PIK3CA: variants seen among roughly 807,000 people sequenced by gnomAD.
PIK3CA encodes the protein phosphatidylinositol 4,5-bisphosphate 3-kinase catalytic subunit alpha isoform.
Under a neutral mutation model 138.2 loss-of-function variants are expected in PIK3CA, and 27 were observed. The ratio of observed to expected loss-of-function variants is 0.20; its 90% CI spans 0.14 to 0.27. The LOEUF is 0.27. Among genes scored for constraint, PIK3CA ranks in the 10% least tolerant of loss-of-function variants. The pLI, the probability that PIK3CA is intolerant of heterozygous loss-of-function variation, is 1.00. For missense variants in PIK3CA, 544 were observed against 1,277.4 expected (o/e 0.43, Z 8.75); for synonymous variants, 358 against 413.2 (o/e 0.87, Z 1.62).
chr3:179,209,482 C>A, intron 6 of PIK3CA, 113 bp from the exon 7 acceptor site: 1 of 578,408 alleles, frequency 1.7e-6, no homozygotes, highest in Non-Finnish European at 3.1e-6. Context: ...CAATCAATCT[C>A]TTTCCTGTTT....
chr3:179,173,918 G>A (rs1338629844), intron 1 of PIK3CA, among the ~76,000 whole-genome samples: 1 of 151,702 alleles, frequency 6.6e-6, no homozygotes, highest in Admixed American at 6.6e-5. Context: ...AGTAGAGACA[G>A]GGTTTCGCTA....
intron 2 of PIK3CA, 57 bp from the exon 3 acceptor site, chr3:179,199,633 C>A (rs1724357603): frequency 1.6e-6 from 2 of 1,237,076 alleles, no homozygotes; most frequent in Non-Finnish European, 2.3e-6. Flanking sequence ...GCAAAAAAAA[C>A]ATGTTCATGC....
In PIK3CA at chr3:179,226,059, A is replaced by C; in HGVS notation, c.2495+19A>C. On this transcript the variant is annotated intron_variant, in intron 17 of 20. Coordinates refer to ENST00000263967, the MANE Select transcript of PIK3CA (RefSeq NM_006218.4). ...ATCTTCGGTAGGTAACCAGTAAGGC[A>C]ACCTGTATGTTGAAAGTTATCCTGA... 1 of 1,354,812 alleles carries C rather than the reference A, an allele frequency of 7.4e-7. No individual in the cohort carries two copies. The highest frequency in any genetic ancestry group is 1.1e-6 in the Non-Finnish European group (1 of 945,758). 83.9% of individuals were successfully genotyped at this position (1,354,812 alleles called of 1,614,324 possible).
At chr3:179,233,333 T>C (rs1028752538) in intron 20 of PIK3CA, 4 of 398,330 alleles carry the variant, frequency 1.0e-5, no homozygotes, top group Non-Finnish European at 1.8e-5. Context: ...CAGTATGATA[T>C]TGGCCGTGGG....
intron 1 of PIK3CA, among the ~76,000 whole-genome samples, chr3:179,170,650 G>C (rs73882960): frequency 0.038 from 5,722 of 152,226 alleles, 364 homozygotes; most frequent in African/African-American, 0.13. Flanking sequence ...TGGAGTAACT[G>C]TGTTAATGTC....
At chr3:179,211,643 G>A (rs1443570991) in intron 9 of PIK3CA, among the ~76,000 whole-genome samples, 1 of 152,038 alleles carries the variant, frequency 6.6e-6, no homozygotes, top group East Asian at 1.9e-4. Flanking sequence ...CTCCAGCCTG[G>A]GCAACAGAGC....
intron 9 of PIK3CA, among the ~76,000 whole-genome samples, chr3:179,213,533 T>C (rs533579657): frequency 1.3e-5 from 2 of 152,356 alleles, no homozygotes; most frequent in South Asian, 4.1e-4. Context: ...TTAGCGTGGC[T>C]ACAGCAGTTT....
chr3:179,160,834 CTGTT>C (rs1723260999), intron 1 of PIK3CA, among the ~76,000 whole-genome samples: 1 of 151,972 alleles, frequency 6.6e-6, no homozygotes, highest in African/African-American at 2.4e-5. Context: ...ATCATAGACT[CTGTT>C]TGTTTGCACA....
At chr3:179,218,184 A>G (rs1295462524) in intron 9 of PIK3CA, 26 bp from the exon 10 acceptor site, 2 of 1,504,234 alleles carry the variant, frequency 1.3e-6, no homozygotes, top group African/African-American at 2.8e-5. Context: ...AAAGAAAGCT[A>G]TATAAGATAT....
At chr3:179,152,159 ACAACCCTG>A (rs1723029479) in intron 1 of PIK3CA, among the ~76,000 whole-genome samples, 1 of 152,226 alleles carries the variant, frequency 6.6e-6, no homozygotes, top group Admixed American at 6.5e-5. Flanking sequence ...CTAAAAATGT[ACAACCCTG>A]AAATTGCCAC....
intron 1 of PIK3CA, among the ~76,000 whole-genome samples, chr3:179,170,076 G>A (rs9842550): frequency 0.25 from 34,231 of 139,218 alleles, 3,983 homozygotes; most frequent in African/African-American, 0.29. Context: ...ACGCGCGCGC[G>A]CACACACACA....
At chr3:179,229,156 C>A in intron 17 of PIK3CA, 116 bp from the exon 18 acceptor site, 1 of 693,934 alleles carries the variant, frequency 1.4e-6, no homozygotes, top group South Asian at 2.1e-5. Context: ...TGGGGAAAGG[C>A]AGTAAAGGTC....
At chr3:179,192,503 A>T (rs2108380066) in intron 1 of PIK3CA, among the ~76,000 whole-genome samples, 1 of 152,312 alleles carries the variant, frequency 6.6e-6, no homozygotes, top group Non-Finnish European at 1.5e-5. Flanking sequence ...ACTGTATAGG[A>T]CTGTAGTTTG....
chr3:179,180,332 G>A (rs1723810012), intron 1 of PIK3CA, among the ~76,000 whole-genome samples: 1 of 152,098 alleles, frequency 6.6e-6, no homozygotes, highest in Non-Finnish European at 1.5e-5. Context: ...GTTCTGCCTT[G>A]TAGATTGTTA....
In PIK3CA at chr3:179,234,456, C is replaced by T. The variant is rs2108430484; in HGVS notation, c.*92C>T. ...GCAAAGACCGATTGCATAGGAATTG[C>T]ACAATCCATGAACAGCATTAGAATT... On this transcript the variant is annotated 3_prime_UTR_variant, in exon 21 of 21. Transcript: ENST00000263967. This position sits in a 1 kb window ranked among gnomAD's most constrained non-coding sequence, Gnocchi z 5.1. 2.0e-6 allele frequency: 2 copies of T among 1,005,256 alleles called. No homozygotes were observed. The highest frequency in any genetic ancestry group is 2.9e-6 in the Non-Finnish European group (2 of 682,106). 62.3% of individuals were successfully genotyped at this position (1,005,256 alleles called of 1,614,324 possible). A position where few individuals can be genotyped will look rare whatever the true frequency, so the allele number is the denominator to read the frequency against.
At chr3:179,161,671 T>A (rs1426186357) in intron 1 of PIK3CA, among the ~76,000 whole-genome samples, 2 of 152,180 alleles carry the variant, frequency 1.3e-5, no homozygotes, top group Non-Finnish European at 2.9e-5. Flanking sequence ...CACTCCAGCC[T>A]GGGTGACAGA....
At position 179,234,921 on chromosome 3, in the gene PIK3CA, G is replaced by A. The variant is rs1252595598; in HGVS notation, c.*557G>A. The A allele has an allele frequency of 4.4e-6, 1 of 227,460 alleles. No individual in the cohort carries two copies. Among genetic ancestry groups the A allele is most frequent in the Non-Finnish European group, 8.7e-6 (1 of 114,496 alleles). 14.1% of individuals were successfully genotyped at this position (227,460 alleles called of 1,614,324 possible). On this transcript the variant is annotated 3_prime_UTR_variant, in exon 21 of 21. Transcript: ENST00000263967. This position sits in a 1 kb window ranked among gnomAD's most constrained non-coding sequence, Gnocchi z 5.1. ...TTGTTTAATGAAGAAAAATGCTTGG[G>A]GTGGAAGGGACTCTTGAGATTTCAC...
At chr3:179,176,074 C>T (rs1576921118) in intron 1 of PIK3CA, among the ~76,000 whole-genome samples, 1 of 152,078 alleles carries the variant, frequency 6.6e-6, no homozygotes, top group South Asian at 2.1e-4. Context: ...CTATAGTCTT[C>T]TCTGTGGGGG....
Position 179,236,369 on chromosome 3 carries a change from TAGA to T in PIK3CA, c.*2009_*2011del, listed in dbSNP as rs1358016023. 9.5e-6 allele frequency: 2 copies of T among 210,916 alleles called. No homozygotes were observed. Among genetic ancestry groups the T allele is most frequent in the Non-Finnish European group, 9.6e-6 (1 of 103,986 alleles). 13.1% of individuals were successfully genotyped at this position (210,916 alleles called of 1,614,324 possible). A position where few individuals can be genotyped will look rare whatever the true frequency, so the allele number is the denominator to read the frequency against. Reference sequence around the variant, plus strand: ...AACCAGAAAGATTATTTTGCAGTTGTAGAAGATTTCATAACTTATTAAAACTTA... The same window carrying T: ...AACCAGAAAGATTATTTTGCAGTTGTAGATTTCATAACTTATTAAAACTTA... On this transcript the variant is annotated 3_prime_UTR_variant, in exon 21 of 21. Coordinates refer to ENST00000263967, the MANE Select transcript of PIK3CA (RefSeq NM_006218.4).
Sources: allele counts gnomAD v4.1 joint callset (sites outside exome capture counted in the v4.1 genomes callset), GRCh38; gene constraint gnomAD v4.1.1; non-coding constraint Gnocchi (gnomAD v3.1); transcripts MANE v1.5; gene names NCBI Gene and HGNC (gene_info 2026-07-23, HGNC 2026-07-21).